GPD2: variants seen among roughly 807,000 people sequenced by gnomAD.
GPD2 encodes glycerol-3-phosphate dehydrogenase, mitochondrial.
A neutral mutation model predicts 82.4 loss-of-function variants in GPD2; 54 were observed. That is an observed-to-expected ratio of 0.66 (90% confidence interval 0.53 to 0.82). The LOEUF (loss-of-function observed/expected upper bound fraction) is 0.82, where lower values mean the gene tolerates loss of function less well. GPD2 is among the 40% of genes least tolerant of loss of function. The pLI, the probability that GPD2 is intolerant of heterozygous loss-of-function variation, is 0.00. For missense variants in GPD2, 748 were observed against 896.2 expected (o/e 0.83, Z 2.11); for synonymous variants, 288 against 306.1 (o/e 0.94, Z 0.62).
At chr2:156,409,070 G>A in the GPD2 span, among the ~76,000 whole-genome samples, 1 of 152,186 alleles carries the variant, frequency 6.6e-6, no homozygotes, top group East Asian at 1.9e-4. Flanking sequence ...TATAAACTAA[G>A]AAAAAACCAC....
chr2:156,487,174 C>T (rs1045550585), intron 2 of GPD2, among the ~76,000 whole-genome samples: 5 of 151,412 alleles, frequency 3.3e-5, no homozygotes, highest in African/African-American at 9.7e-5. Flanking sequence ...GGTGTGGTGG[C>T]GGGGGGCGCC....
intron 2 of GPD2, among the ~76,000 whole-genome samples, chr2:156,494,958 ATTC>A (rs1460876810): frequency 6.6e-6 from 1 of 152,190 alleles, no homozygotes; most frequent in African/African-American, 2.4e-5. Context: ...GAAAAGCTAC[ATTC>A]TTTAAGAAAC....
Position 156,512,341 on chromosome 2 carries a change from A to G in GPD2, c.497+24A>G, listed in dbSNP as rs190634369. ...AAGTAAGCCTTTTGATATCACCTGT[A>G]TGCATTTGCTTCTCTGCGGTCAATA... On this transcript the variant is annotated intron_variant, in intron 5 of 16. Coordinates refer to ENST00000438166, the MANE Select transcript of GPD2 (RefSeq NM_000408.5). 2.7e-4 allele frequency: 289 copies of G among 1,079,940 alleles called. No homozygotes were observed. In the African/African-American group the frequency reaches 4.2e-3, roughly 16 times the overall value. The allele number at this position is 1,079,940 out of a possible 1,614,324, so 66.9% of individuals were successfully genotyped here. A position where few individuals can be genotyped will look rare whatever the true frequency, so the allele number is the denominator to read the frequency against.
Position 156,578,925 on chromosome 2 carries a change from G to A in GPD2, c.1804G>A (p.Glu602Lys), listed in dbSNP as rs1687922753. The A allele has an allele frequency of 6.2e-7, 1 of 1,610,996 alleles. No homozygotes were observed. The highest frequency in any genetic ancestry group is 1.3e-5 in the African/African-American group (1 of 74,852). Residue 602 changes from glutamate (E) to lysine (K), a missense_variant, in exon 14 of 17, where the codon GAA becomes AAA. Glu to Lys is a moderately conservative substitution (Grantham distance 56). Coordinates refer to ENST00000438166, the MANE Select transcript of GPD2 (RefSeq NM_000408.5). ...AACAGCCAGGAAGTTTCTATATTAT[G>A]AAATGGGCTATAAATCTCGATCAGA... ...LETARKFLYY[E>K]MGYKSRSEQL...
At chr2:156,461,296 A>G (rs748509492) in intron 1 of GPD2, among the ~76,000 whole-genome samples, 22 of 151,318 alleles carry the variant, frequency 1.5e-4, no homozygotes, top group Non-Finnish European at 2.9e-4. Context: ...CCTAAAAGGC[A>G]TCCTCTATAC....
chr2:156,440,155 T>A (rs1682116496), intron 1 of GPD2, among the ~76,000 whole-genome samples: 2 of 152,176 alleles, frequency 1.3e-5, no homozygotes, highest in Admixed American at 6.5e-5. Context: ...AAGTGGTATG[T>A]TAGGGGAAGA....
At chr2:156,466,969 T>C (rs924539708) in intron 1 of GPD2, among the ~76,000 whole-genome samples, 1 of 152,232 alleles carries the variant, frequency 6.6e-6, no homozygotes, top group African/African-American at 2.4e-5. Context: ...GTTCTCACTG[T>C]TGGTTTGCTT....
At chr2:156,484,617 A>G (rs1174270652) in intron 2 of GPD2, among the ~76,000 whole-genome samples, 6 of 151,984 alleles carry the variant, frequency 3.9e-5, no homozygotes, top group African/African-American at 1.2e-4. Flanking sequence ...AGGCAGGTGG[A>G]TCACCTGAAG....
At chr2:156,555,900 C>T (rs1162647276) in intron 8 of GPD2, among the ~76,000 whole-genome samples, 14 of 152,054 alleles carry the variant, frequency 9.2e-5, no homozygotes, top group Non-Finnish European at 1.5e-5. Context: ...CTACTCTCTC[C>T]GATGTGTCTC....
intron 1 of GPD2, among the ~76,000 whole-genome samples, chr2:156,457,079 A>G (rs1340265125): frequency 6.6e-6 from 1 of 152,080 alleles, no homozygotes; most frequent in Admixed American, 6.5e-5. Context: ...TTAAAAAAAA[A>G]TTGACTCATA....
chr2:156,477,454 A>G (rs1488240510), intron 2 of GPD2, among the ~76,000 whole-genome samples: 14 of 152,130 alleles, frequency 9.2e-5, no homozygotes, highest in Non-Finnish European at 1.9e-4. Context: ...AAATGCATAA[A>G]TAAAATCACA....
chr2:156,583,769 A>T lies in GPD2; in HGVS notation c.*851A>T, dbSNP rs1291256673. The T allele has an allele frequency of 6.6e-6, 1 of 152,490 alleles. No individual in the cohort carries two copies. Among genetic ancestry groups the T allele is most frequent in the Admixed American group, 6.6e-5 (1 of 15,224 alleles). 9.4% of individuals were successfully genotyped at this position (152,490 alleles called of 1,614,324 possible). On this transcript the variant is annotated 3_prime_UTR_variant, in exon 17 of 17. Transcript: ENST00000438166. ...TAAGTGGCAATTTGGATGTAATAGG[A>T]TGAGACCAAATTTATCTAATTATTA...
At chr2:156,424,290 G>A in the GPD2 span, among the ~76,000 whole-genome samples, 5 of 152,062 alleles carry the variant, frequency 3.3e-5, no homozygotes, top group African/African-American at 1.2e-4. Context: ...ACATGCAATA[G>A]TAATGTTTCC....
chr2:156,452,378 C>T (rs1420728563), intron 1 of GPD2, among the ~76,000 whole-genome samples: 1 of 152,264 alleles, frequency 6.6e-6, no homozygotes, highest in Non-Finnish European at 1.5e-5. Flanking sequence ...ACAGCAAAAC[C>T]CCGTCTCCAC....
intron 1 of GPD2, among the ~76,000 whole-genome samples, chr2:156,451,396 C>T (rs1434792754): frequency 3.5e-5 from 5 of 143,504 alleles, no homozygotes; most frequent in African/African-American, 1.3e-4. Flanking sequence ...ACCTCCCGGA[C>T]GGGGCAGCTG....
chr2:156,579,660 T>A, intron 15 of GPD2, 30 bp from the exon 16 acceptor site: 1 of 1,042,368 alleles, frequency 9.6e-7, no homozygotes, highest in Non-Finnish European at 1.5e-6. Flanking sequence ...TTAATCAAAC[T>A]GTATTATTCT....
At chr2:156,499,021 T>C (rs1399410048) in intron 3 of GPD2, among the ~76,000 whole-genome samples, 1 of 152,056 alleles carries the variant, frequency 6.6e-6, no homozygotes, top group Non-Finnish European at 1.5e-5. Flanking sequence ...ATATCAGAGA[T>C]GTATCTTGGT....
intron 1 of GPD2, among the ~76,000 whole-genome samples, chr2:156,451,825 C>G (rs1313030469): frequency 2.0e-5 from 3 of 151,576 alleles, no homozygotes; most frequent in Non-Finnish European, 4.4e-5. Flanking sequence ...GGCTGCCAGG[C>G]GGAGGGGCTC....
chr2:156,400,938 C>T, the GPD2 span, among the ~76,000 whole-genome samples: 2 of 152,020 alleles, frequency 1.3e-5, no homozygotes, highest in South Asian at 4.1e-4. Flanking sequence ...ACATCTAGGC[C>T]GCCCAAAAAC....
Sources: gnomAD v4.1 joint callset for allele counts (sites outside exome capture counted in the v4.1 genomes callset) on GRCh38, gnomAD v4.1.1 for gene constraint, MANE v1.5 for transcripts, NCBI Gene and HGNC (gene_info 2026-07-23, HGNC 2026-07-21) for gene names.